Variants in CRKL observed in about 807,000 individuals in gnomAD.
CRKL encodes crk-like protein.
CRKL carries 3 observed loss-of-function variants against 23.0 expected under a neutral mutation model. The ratio of observed to expected loss-of-function variants is 0.13; its 90% CI spans 0.06 to 0.34. CRKL has a LOEUF of 0.34. CRKL is among the 10% of genes least tolerant of loss of function. The pLI is 1.00. For synonymous variants in CRKL, 188 were observed against 160.7 expected, an observed-to-expected ratio of 1.17 and a Z score of -1.28; for missense variants, 256 against 394.5, an observed-to-expected ratio of 0.65 and a Z score of 2.97.
chr22:20,917,930 A>C lies in CRKL; in HGVS notation c.-5A>C, dbSNP rs1245871921. 1 of 1,612,800 alleles carries C rather than the reference A, an allele frequency of 6.2e-7. No homozygotes were observed. The highest frequency in any genetic ancestry group is 8.5e-7 in the Non-Finnish European group (1 of 1,179,574). On this transcript the variant is annotated 5_prime_UTR_variant, in exon 1 of 3. Coordinates refer to ENST00000354336, the MANE Select transcript of CRKL (RefSeq NM_005207.4). ...CTACCGCCGCAGAGTCCCCGGTCCAACACCATGTCCTCCGCCAGGTTCGAC... is the reference window on the plus strand; with the variant it reads ...CTACCGCCGCAGAGTCCCCGGTCCACCACCATGTCCTCCGCCAGGTTCGAC...
intron 2 of CRKL, among the ~76,000 whole-genome samples, chr22:20,943,730 C>G (rs5761464): frequency 0.054 from 8,192 of 152,228 alleles, 263 homozygotes; most frequent in East Asian, 0.08. Flanking sequence ...TGGTGGTGCA[C>G]ACCTGTAATC....
intron 1 of CRKL, among the ~76,000 whole-genome samples, chr22:20,924,388 C>A (rs778348563): frequency 6.6e-6 from 1 of 152,182 alleles, no homozygotes; most frequent in Admixed American, 6.5e-5. Context: ...TGTGCCTCCT[C>A]TTTACATCCC....
intron 2 of CRKL, among the ~76,000 whole-genome samples, chr22:20,944,233 C>T (rs1197787778): frequency 1.3e-5 from 2 of 150,370 alleles, no homozygotes; most frequent in Non-Finnish European, 3.0e-5. Context: ...AAGTGATCCT[C>T]CTGTCTCAGC....
chr22:20,928,504 C>A (rs549359454), intron 1 of CRKL, among the ~76,000 whole-genome samples: 7 of 151,796 alleles, frequency 4.6e-5, no homozygotes, highest in Admixed American at 4.6e-4. Flanking sequence ...CTGTGTGCTC[C>A]CTTTAAAAAA....
At chr22:20,930,888 T>C (rs1325197508) in intron 1 of CRKL, among the ~76,000 whole-genome samples, 1 of 150,624 alleles carries the variant, frequency 6.6e-6, no homozygotes, top group Non-Finnish European at 1.5e-5. Context: ...TTCACCGTGT[T>C]AGCCAGGATG....
rs1920975406 is a variant in CRKL, at chr22:20,920,156, C to T, written c.311+1911C>T. Among the ~76,000 whole-genome samples the T allele has an allele frequency of 2.6e-5, 4 of 152,102 alleles. No homozygotes were observed. The South Asian group carries it at 8.3e-4, about 31-fold the overall frequency. On this transcript the variant is annotated intron_variant, in intron 1 of 2. Coordinates refer to ENST00000354336, the MANE Select transcript of CRKL (RefSeq NM_005207.4). ...AATTAATACCAGGCATTCATTAAGC[C>T]ATGCATATGCTTATGTTGAGGTCAT...
chr22:20,931,452 A>G (rs189465193), intron 1 of CRKL, among the ~76,000 whole-genome samples: 2 of 152,304 alleles, frequency 1.3e-5, no homozygotes, highest in African/African-American at 4.8e-5. Flanking sequence ...TTGAAGGGGT[A>G]TGTGTGTGTT....
chr22:20,938,796 A>G (rs930448555), intron 2 of CRKL, among the ~76,000 whole-genome samples: 1 of 152,188 alleles, frequency 6.6e-6, no homozygotes, highest in East Asian at 1.9e-4. Context: ...GACTATTTGT[A>G]TGAAAATTTG....
intron 1 of CRKL, among the ~76,000 whole-genome samples, chr22:20,918,645 G>A (rs1206903750): frequency 6.8e-6 from 1 of 147,226 alleles, no homozygotes; most frequent in African/African-American, 2.5e-5. Flanking sequence ...AGGCTGGAGT[G>A]CAGTGGTGCG....
At chr22:20,933,671 A>T (rs533410535) in intron 1 of CRKL, 108 bp from the exon 2 acceptor site, 1 of 1,000,612 alleles carries the variant, frequency 1.0e-6, no homozygotes, top group East Asian at 2.5e-5. Context: ...TTGTCTCATA[A>T]AAAAGGAAAA....
At chr22:20,927,525 T>G (rs887762332) in intron 1 of CRKL, among the ~76,000 whole-genome samples, 1 of 151,008 alleles carries the variant, frequency 6.6e-6, no homozygotes, top group Non-Finnish European at 1.5e-5. Context: ...TTTTTTTTTT[T>G]TTTTTAACTG....
rs866595624 is a variant in CRKL at position 20,953,540 on chromosome 22, C to T, written c.*3695C>T. The T allele has an allele frequency of 5.3e-5, 12 of 227,094 alleles. No homozygotes were observed. The highest frequency in any genetic ancestry group is 1.3e-3 in the Middle Eastern group (1 of 782). The allele number at this position is 227,094 out of a possible 1,614,324, so 14.1% of individuals were successfully genotyped here. A position where few individuals can be genotyped will look rare whatever the true frequency, so the allele number is the denominator to read the frequency against. On this transcript the variant is annotated 3_prime_UTR_variant, in exon 3 of 3. Transcript: ENST00000354336. The stretch of plus-strand genomic sequence containing the variant: ...AGCTTTTAAAATTATTTTTGGGGAT[C>T]ATAGCTTGTTTTATTTTGTGCTATA...
intron 1 of CRKL, among the ~76,000 whole-genome samples, chr22:20,924,739 T>C (rs1921130750): frequency 6.6e-6 from 1 of 151,948 alleles, no homozygotes; most frequent in Non-Finnish European, 1.5e-5. Flanking sequence ...CCTAAGAGGC[T>C]AAAGGCAGGA....
intron 1 of CRKL, among the ~76,000 whole-genome samples, chr22:20,930,242 C>A (rs969777695): frequency 3.9e-5 from 6 of 152,146 alleles, no homozygotes; most frequent in Admixed American, 2.0e-4. Context: ...GATGGGGGAT[C>A]AGCAAACTGT....
In CRKL at chr22:20,930,528, C is replaced by G. The variant is rs573952243; in HGVS notation, c.312-3251C>G. On this transcript the variant is annotated intron_variant, in intron 1 of 2. Transcript: ENST00000354336. ...CCAAGTAGCTGGGCCTACAGGCGCA[C>G]GCCACCACACCTGGCTAACTTTTGT... Among the ~76,000 whole-genome samples the G allele has an allele frequency of 1.5e-4, 23 of 151,646 alleles. No homozygotes were observed. The South Asian group carries it at 4.8e-3, about 32-fold the overall frequency.
At position 20,950,624 on chromosome 22, in the gene CRKL, G is replaced by T; in HGVS notation, c.*779G>T. 1 of 215,504 alleles carries T rather than the reference G, an allele frequency of 4.6e-6. No individual in the cohort carries two copies. Among genetic ancestry groups the T allele is most frequent in the African/African-American group, 2.3e-5 (1 of 44,396 alleles). The allele number at this position is 215,504 out of a possible 1,614,324, so 13.3% of individuals were successfully genotyped here. On this transcript the variant is annotated 3_prime_UTR_variant, in exon 3 of 3. Transcript: ENST00000354336. ...GACGGGGTTTCATCATGTTGACCAGGCTGGTCTCAAACTCCTGACTTCAGG... is the reference window on the plus strand; with the variant it reads ...GACGGGGTTTCATCATGTTGACCAGTCTGGTCTCAAACTCCTGACTTCAGG...
intron 2 of CRKL, among the ~76,000 whole-genome samples, chr22:20,938,685 A>G (rs1921751167): frequency 6.6e-6 from 1 of 152,232 alleles, no homozygotes; most frequent in Non-Finnish European, 1.5e-5. Flanking sequence ...GTCATGTAAT[A>G]ATATCATTCT....
In CRKL at chr22:20,951,417, G is replaced by T. The variant is rs1922271578; in HGVS notation, c.*1572G>T. 1.3e-5 allele frequency: 3 copies of T among 230,628 alleles called. No homozygotes were observed. The East Asian group carries it at 1.9e-4, about 14-fold the overall frequency. 14.3% of individuals were successfully genotyped at this position (230,628 alleles called of 1,614,324 possible). A position where few individuals can be genotyped will look rare whatever the true frequency, so the allele number is the denominator to read the frequency against. The stretch of plus-strand genomic sequence containing the variant: ...TGTATTGATGTTAAAGCATTTCCCT[G>T]TTAGCTAAAAGAGGCCTGTTCATAC... On this transcript the variant is annotated 3_prime_UTR_variant, in exon 3 of 3. Transcript: ENST00000354336.
chr22:20,918,182 C>A lies in CRKL; in HGVS notation c.248C>A (p.Ala83Asp). The change falls in exon 1 of 3, where the codon GCC becomes GAC. Residue 83 changes from alanine to aspartate, a missense_variant. Ala to Asp is a moderately radical substitution (Grantham distance 126). This residue lies in a region of CRKL where 85 missense variants were observed against 139.8 expected (regional missense o/e 0.61). Coordinates refer to ENST00000354336, the MANE Select transcript of CRKL (RefSeq NM_005207.4). ...GACCAGGAATTTGACCATTTGCCGGCCCTGCTGGAGTTTTACAAGATCCAC... is the reference window on the plus strand; with the variant it reads ...GACCAGGAATTTGACCATTTGCCGGACCTGCTGGAGTTTTACAAGATCCAC... Reference protein sequence around the residue: ...IGDQEFDHLPALLEFYKIHYL... With the variant: ...IGDQEFDHLPDLLEFYKIHYL... 1 of 1,614,156 alleles carries A rather than the reference C, an allele frequency of 6.2e-7. No homozygotes were observed. Among genetic ancestry groups the A allele is most frequent in the South Asian group, 1.1e-5 (1 of 91,082 alleles).
Sources: allele counts gnomAD v4.1 joint callset (sites outside exome capture counted in the v4.1 genomes callset), GRCh38; gene constraint gnomAD v4.1.1; regional missense constraint gnomAD v4.1.1; transcripts MANE v1.5; gene names NCBI Gene and HGNC (gene_info 2026-07-23, HGNC 2026-07-21).